Variants in RAB27A observed in about 807,000 individuals in gnomAD.
RAB27A encodes the protein RAB27A, member RAS oncogene family, also known as ras-related protein Rab-27A.
In RAB27A, 17 loss-of-function variants were observed where a neutral mutation model predicts 20.8. That is an observed-to-expected ratio of 0.82 (90% CI 0.56 to 1.23). The LOEUF (loss-of-function observed/expected upper bound fraction) is 1.23, where lower values mean the gene tolerates loss of function less well. Among genes scored for constraint, RAB27A ranks in the 50% most tolerant of loss-of-function variants. The pLI is 0.00. For synonymous variants in RAB27A, 85 were observed against 92.8 expected, an observed-to-expected ratio of 0.92 and a Z score of 0.48; for missense variants, 277 against 266.7, an observed-to-expected ratio of 1.04 and a Z score of -0.27.
intron 1 of RAB27A, chr15:55,317,203 T>C (rs1458641132): frequency 6.6e-6 from 1 of 152,290 alleles, no homozygotes; most frequent in Non-Finnish European, 1.5e-5. Flanking sequence ...AAAATCATTA[T>C]CCATGATTTA....
intron 1 of RAB27A, among the ~76,000 whole-genome samples, chr15:55,275,301 A>T (rs904463632): frequency 2.0e-5 from 3 of 152,016 alleles, no homozygotes; most frequent in African/African-American, 7.2e-5. Context: ...CATCAAACTA[A>T]AGCTGCTGCA....
intron 1 of RAB27A, among the ~76,000 whole-genome samples, chr15:55,271,854 C>T (rs1050342982): frequency 2.0e-5 from 3 of 152,152 alleles, no homozygotes; most frequent in Non-Finnish European, 2.9e-5. Flanking sequence ...AAACCACCAC[C>T]GGCCTCAAGA....
intron 1 of RAB27A, among the ~76,000 whole-genome samples, chr15:55,286,780 G>A (rs1359836853): frequency 6.6e-6 from 1 of 152,084 alleles, no homozygotes; most frequent in Non-Finnish European, 1.5e-5. Flanking sequence ...GTTAAGAATA[G>A]AGTGTGGAGC....
chr15:55,277,499 T>C (rs867773246), intron 1 of RAB27A, among the ~76,000 whole-genome samples: 1 of 152,170 alleles, frequency 6.6e-6, no homozygotes, highest in Non-Finnish European at 1.5e-5. Context: ...TTATTTCGTG[T>C]CTTTTGTTAA....
intron 2 of RAB27A, among the ~76,000 whole-genome samples, chr15:55,259,634 T>G (rs575803257): frequency 1.8e-4 from 27 of 152,338 alleles, no homozygotes; most frequent in Non-Finnish European, 3.2e-4. Context: ...ATATTATGTT[T>G]ATAAAGATAC....
intron 6 of RAB27A, among the ~76,000 whole-genome samples, chr15:55,215,988 T>A: frequency 7.0e-6 from 1 of 142,496 alleles, no homozygotes. Flanking sequence ...ACCTCTGGAG[T>A]CATGCTGCCT....
intron 6 of RAB27A, among the ~76,000 whole-genome samples, chr15:55,218,797 C>T (rs912903239): frequency 6.7e-6 from 1 of 149,862 alleles, no homozygotes; most frequent in Non-Finnish European, 1.5e-5. Flanking sequence ...GGCTGGAGTG[C>T]AATGGTGTGA....
intron 3 of RAB27A, among the ~76,000 whole-genome samples, chr15:55,233,884 A>G (rs1266943017): frequency 1.3e-5 from 2 of 152,210 alleles, no homozygotes; most frequent in Non-Finnish European, 2.9e-5. Flanking sequence ...ATATATGTAG[A>G]TTCTATCAAC....
At chr15:55,256,483 C>T (rs1350796689) in intron 2 of RAB27A, among the ~76,000 whole-genome samples, 1 of 152,150 alleles carries the variant, frequency 6.6e-6, no homozygotes, top group East Asian at 1.9e-4. Flanking sequence ...AGCTGAGCAC[C>T]TTCTTCAAAG....
Position 55,234,735 on chromosome 15 carries a change from T to C in RAB27A, c.153+47A>G, listed in dbSNP as rs1476994898. 2.6e-6 allele frequency: 4 copies of C among 1,559,286 alleles called. No individual in the cohort carries two copies. The South Asian group carries it at 4.5e-5, about 17-fold the overall frequency. The stretch of plus-strand genomic sequence containing the variant: ...AAAGTAAACTAAACAGACCAGCAAA[T>C]GTTGACTTAACGATTACATTTTTAC... On this transcript the variant is annotated intron_variant, in intron 3 of 6. Coordinates refer to ENST00000336787, the MANE Select transcript of RAB27A (RefSeq NM_183235.3).
At chr15:55,311,573 G>A (rs1160478021) in intron 2 of RAB27A, among the ~76,000 whole-genome samples, 3 of 152,120 alleles carry the variant, frequency 2.0e-5, no homozygotes, top group Admixed American at 6.5e-5. Context: ...TTACATAATT[G>A]TGAGTTGTCT....
chr15:55,282,535 T>A (rs1023553422), intron 1 of RAB27A, among the ~76,000 whole-genome samples: 3 of 152,184 alleles, frequency 2.0e-5, no homozygotes, highest in Admixed American at 6.5e-5. Context: ...AGAATCAGGG[T>A]GTTAATAAAG....
At chr15:55,250,959 G>A (rs555450463) in intron 2 of RAB27A, among the ~76,000 whole-genome samples, 39 of 152,186 alleles carry the variant, frequency 2.6e-4, no homozygotes, top group Admixed American at 5.2e-4. Context: ...AAGGAGTGAA[G>A]GTCAAGACAC....
chr15:55,307,725 G>T (rs144969247), intron 2 of RAB27A, among the ~76,000 whole-genome samples: 2 of 150,344 alleles, frequency 1.3e-5, no homozygotes, highest in Non-Finnish European at 3.0e-5. Context: ...TTGGCATGTG[G>T]ATAAAATCTA....
intron 6 of RAB27A, among the ~76,000 whole-genome samples, chr15:55,207,963 C>CT (rs1255869091): frequency 6.6e-6 from 1 of 152,158 alleles, no homozygotes; most frequent in Non-Finnish European, 1.5e-5. Flanking sequence ...GCCAAAAAAC[C>CT]TGAACTTTTA....
chr15:55,237,854 T>C (rs557477772), intron 2 of RAB27A, among the ~76,000 whole-genome samples: 2 of 152,218 alleles, frequency 1.3e-5, no homozygotes, highest in South Asian at 4.1e-4. Context: ...TCACTTAGGG[T>C]ACAGGAAAAA....
chr15:55,300,102 G>A (rs2054965517), intron 2 of RAB27A, among the ~76,000 whole-genome samples: 1 of 152,068 alleles, frequency 6.6e-6, no homozygotes, highest in Non-Finnish European at 1.5e-5. Context: ...TTACAGGCAT[G>A]AGCCACCGCG....
chr15:55,209,577 G>A (rs1894817501), intron 6 of RAB27A, among the ~76,000 whole-genome samples: 1 of 151,784 alleles, frequency 6.6e-6, no homozygotes, highest in Non-Finnish European at 1.5e-5. Context: ...AGCTCTTGTG[G>A]ATAGTGCTGC....
intron 2 of RAB27A, among the ~76,000 whole-genome samples, chr15:55,239,666 C>T (rs1896403173): frequency 6.6e-6 from 1 of 152,106 alleles, no homozygotes; most frequent in Non-Finnish European, 1.5e-5. Context: ...TCACCCATGA[C>T]CCAACAATGA....
Sources: allele counts gnomAD v4.1 joint callset (sites outside exome capture counted in the v4.1 genomes callset), GRCh38; gene constraint gnomAD v4.1.1; transcripts MANE v1.5; gene names NCBI Gene and HGNC (gene_info 2026-07-23, HGNC 2026-07-21).